SMYD3: variants seen among roughly 807,000 people sequenced by gnomAD.
SMYD3 encodes SET and MYND domain containing 3.
SMYD3 carries 36 observed loss-of-function variants against 57.7 expected under a neutral mutation model. The observed-to-expected ratio is 0.62, with a 90% confidence interval of 0.48 to 0.82. The LOEUF is 0.82. Among genes scored for constraint, SMYD3 ranks in the 40% least tolerant of loss-of-function variants. SMYD3 has a pLI of 0.00. For missense variants in SMYD3, 515 were observed against 538.8 expected, an observed-to-expected ratio of 0.96 and a Z score of 0.44; for synonymous variants, 211 against 195.0, an observed-to-expected ratio of 1.08 and a Z score of -0.68.
intron 11 of SMYD3, among the ~76,000 whole-genome samples, chr1:245,763,455 G>C (rs12077302): frequency 6.6e-6 from 1 of 152,174 alleles, no homozygotes; most frequent in Non-Finnish European, 1.5e-5. Flanking sequence ...GTCCTGCCAA[G>C]CCCAGGGGGT....
At chr1:246,248,907 C>T (rs2148494605) in intron 5 of SMYD3, among the ~76,000 whole-genome samples, 1 of 150,264 alleles carries the variant, frequency 6.7e-6, no homozygotes, top group African/African-American at 2.5e-5. Flanking sequence ...CCGCGCGCCT[C>T]AGCCTCCCAA....
At chr1:246,219,877 G>A (rs112978091) in intron 5 of SMYD3, among the ~76,000 whole-genome samples, 95 of 152,174 alleles carry the variant, frequency 6.2e-4, no homozygotes, top group Non-Finnish European at 3.2e-4. Context: ...ACTGAGTGGG[G>A]TTCACTGCTG....
chr1:246,403,343 AT>A (rs750676480), intron 1 of SMYD3, among the ~76,000 whole-genome samples: 11 of 151,714 alleles, frequency 7.3e-5, no homozygotes, highest in East Asian at 3.9e-4. Context: ...AAAAAAAAAA[AT>A]TTAATTAGCC....
chr1:245,833,799 C>T (rs1374006790), intron 10 of SMYD3, among the ~76,000 whole-genome samples: 1 of 152,176 alleles, frequency 6.6e-6, no homozygotes, highest in Non-Finnish European at 1.5e-5. Context: ...TGGCCAGGGC[C>T]GGGAGCTCAT....
intron 5 of SMYD3, among the ~76,000 whole-genome samples, chr1:246,080,377 A>C (rs2060620503): frequency 7.3e-6 from 1 of 137,744 alleles, no homozygotes; most frequent in Non-Finnish European, 1.6e-5. Context: ...TGAACTGGGC[A>C]TGTGAGGGAT....
At chr1:246,108,191 TCTAC>T (rs1337112780) in intron 5 of SMYD3, among the ~76,000 whole-genome samples, 1 of 152,184 alleles carries the variant, frequency 6.6e-6, no homozygotes, top group Non-Finnish European at 1.5e-5. Flanking sequence ...ACATCCAAAA[TCTAC>T]CAAGCACCTA....
At chr1:246,166,760 C>T (rs10924527) in intron 5 of SMYD3, among the ~76,000 whole-genome samples, 26,327 of 152,104 alleles carry the variant, frequency 0.17, 3,075 homozygotes, top group African/African-American at 0.31. Context: ...CTAGGGGCCG[C>T]GGGATAACTT....
At chr1:245,761,974 G>A (rs948747006) in intron 11 of SMYD3, among the ~76,000 whole-genome samples, 8 of 151,732 alleles carry the variant, frequency 5.3e-5, no homozygotes, top group African/African-American at 1.5e-4. Flanking sequence ...TTGTAGAGAC[G>A]GGATTTCACC....
chr1:246,157,263 T>C (rs1025923452), intron 5 of SMYD3, among the ~76,000 whole-genome samples: 1 of 152,150 alleles, frequency 6.6e-6, no homozygotes, highest in African/African-American at 2.4e-5. Context: ...GTCTGGCTAC[T>C]CACAGTTTAT....
intron 5 of SMYD3, among the ~76,000 whole-genome samples, chr1:246,114,591 C>T (rs2061311741): frequency 6.6e-6 from 1 of 152,202 alleles, no homozygotes; most frequent in Non-Finnish European, 1.5e-5. Flanking sequence ...CTCTTCTCTG[C>T]TGTGCCGGCC....
chr1:245,871,423 C>T (rs537913059), intron 8 of SMYD3, among the ~76,000 whole-genome samples: 5 of 152,184 alleles, frequency 3.3e-5, no homozygotes, highest in East Asian at 1.9e-4. Flanking sequence ...TTTCATAAAG[C>T]GGAAAAATAG....
At chr1:245,919,375 C>A (rs1192469784) in intron 7 of SMYD3, among the ~76,000 whole-genome samples, 1 of 152,172 alleles carries the variant, frequency 6.6e-6, no homozygotes, top group African/African-American at 2.4e-5. Context: ...GAACACCATG[C>A]CAACATGTGT....
At chr1:246,074,913 T>TACAC (rs60103366) in intron 5 of SMYD3, among the ~76,000 whole-genome samples, 2,131 of 148,428 alleles carry the variant, frequency 0.014, 56 homozygotes, top group African/African-American at 0.045. Context: ...GCTAAAGCAA[T>TACAC]ACACACACAC....
intron 2 of SMYD3, among the ~76,000 whole-genome samples, chr1:246,339,783 G>C (rs1262834736): frequency 1.3e-5 from 2 of 152,186 alleles, no homozygotes; most frequent in Admixed American, 1.3e-4. Context: ...TGTCACTATT[G>C]CAACAGTGGG....
intron 10 of SMYD3, among the ~76,000 whole-genome samples, chr1:245,812,804 G>A (rs2048553735): frequency 2.0e-5 from 3 of 151,866 alleles, no homozygotes; most frequent in East Asian, 1.9e-4. Context: ...AGAGTGGGCT[G>A]GGAGGGAAGG....
At chr1:246,180,586 T>C (rs1436092718) in intron 5 of SMYD3, among the ~76,000 whole-genome samples, 3 of 149,644 alleles carry the variant, frequency 2.0e-5, no homozygotes, top group Admixed American at 2.0e-4. Context: ...TGAAACTCCA[T>C]CTCTACTAAA....
At chr1:245,815,966 C>T (rs954573516) in intron 10 of SMYD3, among the ~76,000 whole-genome samples, 15 of 152,164 alleles carry the variant, frequency 9.9e-5, no homozygotes, top group Non-Finnish European at 7.3e-5. Context: ...TTGCAGCACT[C>T]ACCTTCTGTA....
intron 5 of SMYD3, among the ~76,000 whole-genome samples, chr1:246,010,995 C>T (rs1240808230): frequency 1.3e-5 from 2 of 152,166 alleles, no homozygotes; most frequent in Non-Finnish European, 2.9e-5. Context: ...CGGCTGAAGA[C>T]GTCATCTTGT....
intron 5 of SMYD3, among the ~76,000 whole-genome samples, chr1:246,199,280 C>G (rs1434673834): frequency 6.6e-6 from 1 of 152,202 alleles, no homozygotes; most frequent in Non-Finnish European, 1.5e-5. Flanking sequence ...ACTCTAAGAT[C>G]ACGTGCCCTC....
Sources: allele counts gnomAD v4.1 joint callset (sites outside exome capture counted in the v4.1 genomes callset), GRCh38; gene constraint gnomAD v4.1.1; transcripts MANE v1.5; gene names NCBI Gene and HGNC (gene_info 2026-07-23, HGNC 2026-07-21).